Variants in LRMDA observed in about 807,000 individuals in gnomAD.
LRMDA encodes the protein leucine-rich melanocyte differentiation-associated protein.
A neutral mutation model predicts 29.8 loss-of-function variants in LRMDA; 18 were observed. The ratio of observed to expected loss-of-function variants is 0.60; its 90% CI spans 0.42 to 0.90. The LOEUF (loss-of-function observed/expected upper bound fraction) is 0.90, where lower values mean the gene tolerates loss of function less well. Among genes scored for constraint, LRMDA ranks in the 40% least tolerant of loss-of-function variants. LRMDA has a pLI of 0.00. For missense variants in LRMDA, 273 were observed against 273.9 expected (o/e 1.00, Z 0.02); for synonymous variants, 125 against 109.4 (o/e 1.14, Z -0.89).
At chr10:75,571,367 G>A (rs922012281) in intron 2 of LRMDA, among the ~76,000 whole-genome samples, 2 of 152,054 alleles carry the variant, frequency 1.3e-5, no homozygotes, top group African/African-American at 4.8e-5. Flanking sequence ...GGATTAAGGT[G>A]TCATGTAGTC....
chr10:76,358,908 T>A (rs1308050425), intron 6 of LRMDA, among the ~76,000 whole-genome samples: 1 of 152,196 alleles, frequency 6.6e-6, no homozygotes, highest in Admixed American at 6.5e-5. Flanking sequence ...CTCTGTTGCT[T>A]GGTTTTGAGC....
At chr10:76,135,226 C>T (rs901706947) in intron 5 of LRMDA, among the ~76,000 whole-genome samples, 2 of 152,170 alleles carry the variant, frequency 1.3e-5, no homozygotes. Flanking sequence ...AATGTGCTAG[C>T]GTTGGCAGAT....
At chr10:76,352,676 G>A (rs1376921009) in intron 6 of LRMDA, among the ~76,000 whole-genome samples, 1 of 152,120 alleles carries the variant, frequency 6.6e-6, no homozygotes, top group East Asian at 1.9e-4. Context: ...AAGTGGATAA[G>A]GAGGGACTAC....
intron 2 of LRMDA, among the ~76,000 whole-genome samples, chr10:75,859,575 A>G (rs1420778849): frequency 6.7e-6 from 1 of 148,300 alleles, no homozygotes; most frequent in Non-Finnish European, 1.5e-5. Context: ...ATTGGTTTCT[A>G]GGACATCTTT....
intron 2 of LRMDA, among the ~76,000 whole-genome samples, chr10:75,616,474 A>C (rs1841103458): frequency 6.6e-6 from 1 of 152,250 alleles, no homozygotes; most frequent in African/African-American, 2.4e-5. Flanking sequence ...GCTGCTATAG[A>C]GATATGGCAA....
At chr10:75,574,532 A>G (rs928820939) in intron 2 of LRMDA, among the ~76,000 whole-genome samples, 1 of 152,118 alleles carries the variant, frequency 6.6e-6, no homozygotes, top group Non-Finnish European at 1.5e-5. Context: ...CTCATGTTTT[A>G]AAACTCCCCA....
intron 2 of LRMDA, among the ~76,000 whole-genome samples, chr10:75,444,903 C>T (rs1402646034): frequency 6.6e-6 from 1 of 152,110 alleles, no homozygotes; most frequent in African/African-American, 2.4e-5. Flanking sequence ...AGCATTTCCC[C>T]ATCTCAATAA....
intron 2 of LRMDA, among the ~76,000 whole-genome samples, chr10:75,551,948 T>C (rs1312651167): frequency 6.6e-6 from 1 of 151,784 alleles, no homozygotes; most frequent in Admixed American, 6.6e-5. Flanking sequence ...TAGACTGAGA[T>C]AGGAGGATTG....
At chr10:75,803,940 C>A (rs1464592652) in intron 2 of LRMDA, among the ~76,000 whole-genome samples, 1 of 152,236 alleles carries the variant, frequency 6.6e-6, no homozygotes, top group East Asian at 1.9e-4. Flanking sequence ...CCATTCGCTG[C>A]TCCTGTCACG....
At chr10:75,734,108 T>C (rs1184258516) in intron 2 of LRMDA, among the ~76,000 whole-genome samples, 1 of 152,220 alleles carries the variant, frequency 6.6e-6, no homozygotes, top group East Asian at 1.9e-4. Context: ...CTTTCTTCTG[T>C]TGCCATCTGA....
chr10:76,474,889 A>T (rs1002493493), intron 6 of LRMDA, among the ~76,000 whole-genome samples: 1 of 151,730 alleles, frequency 6.6e-6, no homozygotes, highest in Non-Finnish European at 1.5e-5. Flanking sequence ...ACATACACAA[A>T]TGCAAACAAA....
intron 2 of LRMDA, among the ~76,000 whole-genome samples, chr10:75,868,296 A>G (rs568409349): frequency 6.6e-6 from 1 of 152,320 alleles, no homozygotes; most frequent in African/African-American, 2.4e-5. Flanking sequence ...CCAATCCCCC[A>G]TTAACACTTC....
At chr10:76,261,361 T>C (rs1247477) in intron 5 of LRMDA, among the ~76,000 whole-genome samples, 95,437 of 151,846 alleles carry the variant, frequency 0.63, 30,560 homozygotes, top group African/African-American at 0.77. Flanking sequence ...CGTGAGCTAC[T>C]GCGCCCGGCT....
chr10:76,538,498 AT>A, intron 6 of LRMDA, among the ~76,000 whole-genome samples: 1 of 147,534 alleles, frequency 6.8e-6, no homozygotes, highest in Non-Finnish European at 1.5e-5. Flanking sequence ...ATAGTTATAT[AT>A]GTATATATAT....
chr10:75,854,325 C>T lies in LRMDA; in HGVS notation c.132-181683C>T, dbSNP rs368958998. Among the ~76,000 whole-genome samples, 152 of 152,154 alleles carry T rather than the reference C, an allele frequency of 1.0e-3. 3 individuals are homozygous for T. In the South Asian group the frequency reaches 0.028, roughly 28 times the overall value. On this transcript the variant is annotated intron_variant, in intron 2 of 6. Coordinates refer to ENST00000611255, the MANE Select transcript of LRMDA (RefSeq NM_001305581.2). ...GATATTCCCCTGTGTGGTATATAAT[C>T]AAGTAACCATATGTCCTGGTTTCCC...
chr10:76,142,513 C>T lies in LRMDA; in HGVS notation c.516+83730C>T, dbSNP rs113900744. ...ACTTTGGTAAAAACAAAGCTTGTCA[C>T]GCTTGATTTTTTTTTCTGGGATTTA... On this transcript the variant is annotated intron_variant, in intron 5 of 6. Transcript: ENST00000611255. Among the ~76,000 whole-genome samples the T allele has an allele frequency of 2.6e-4, 11 of 42,728 alleles. No individual in the cohort carries two copies. In the South Asian group the frequency reaches 6.0e-3, roughly 23 times the overall value. The allele number at this position is 42,728 out of a possible 152,430, so 28.0% of individuals were successfully genotyped here. A position where few individuals can be genotyped will look rare whatever the true frequency, so the allele number is the denominator to read the frequency against.
intron 5 of LRMDA, among the ~76,000 whole-genome samples, chr10:76,214,330 A>ATTTTTTGT (rs1851687792): frequency 1.1e-5 from 1 of 87,242 alleles, no homozygotes; most frequent in African/African-American, 5.0e-5. Flanking sequence ...CTTGAACCAA[A>ATTTTTTGT]TTTTTTTTTT....
intron 5 of LRMDA, among the ~76,000 whole-genome samples, chr10:76,205,589 T>C (rs1564685185): frequency 6.6e-6 from 1 of 152,090 alleles, no homozygotes; most frequent in African/African-American, 2.4e-5. Flanking sequence ...GTGGGAACGT[T>C]TGGAGAATTG....
chr10:76,380,130 A>G (rs1841571748), intron 6 of LRMDA, among the ~76,000 whole-genome samples: 1 of 152,122 alleles, frequency 6.6e-6, no homozygotes, highest in Non-Finnish European at 1.5e-5. Flanking sequence ...ATGGCCTAAA[A>G]TGTCTATTTT....
Sources: allele counts gnomAD v4.1 joint callset (sites outside exome capture counted in the v4.1 genomes callset), GRCh38; gene constraint gnomAD v4.1.1; transcripts MANE v1.5; gene names NCBI Gene and HGNC (gene_info 2026-07-23, HGNC 2026-07-21).